Variants in SLC16A9 observed in about 807,000 individuals in gnomAD.
SLC16A9 encodes the protein solute carrier family 16 member 9.
Under a neutral mutation model 44.3 loss-of-function variants are expected in SLC16A9, and 26 were observed. The ratio of observed to expected loss-of-function variants is 0.59; its 90% CI spans 0.43 to 0.81. SLC16A9 has a LOEUF of 0.81. Ranked by LOEUF, SLC16A9 falls within the 40% of genes least tolerant of loss-of-function variation. The pLI is 0.00. For missense variants in SLC16A9, 559 were observed against 595.8 expected, an observed-to-expected ratio of 0.94 and a Z score of 0.64; for synonymous variants, 230 against 225.1, an observed-to-expected ratio of 1.02 and a Z score of -0.19.
At chr10:59,696,442 C>G (rs1217587506) in intron 1 of SLC16A9, among the ~76,000 whole-genome samples, 1 of 152,214 alleles carries the variant, frequency 6.6e-6, no homozygotes, top group Non-Finnish European at 1.5e-5. Flanking sequence ...GTGGCGTGAT[C>G]TCTGCTCGCT....
At chr10:59,682,154 C>T (rs536783033) in intron 2 of SLC16A9, among the ~76,000 whole-genome samples, 4 of 152,116 alleles carry the variant, frequency 2.6e-5, no homozygotes, top group Admixed American at 2.6e-4. Context: ...CTTGTTGTCT[C>T]CCAGAATTTT....
chr10:59,686,456 T>C (rs1840136389), intron 1 of SLC16A9, among the ~76,000 whole-genome samples: 1 of 152,214 alleles, frequency 6.6e-6, no homozygotes, highest in African/African-American at 2.4e-5. Context: ...ACATAATATG[T>C]TTTGCATTTG....
chr10:59,660,136 G>T (rs1267980034), intron 4 of SLC16A9, among the ~76,000 whole-genome samples: 2 of 152,038 alleles, frequency 1.3e-5, no homozygotes, highest in African/African-American at 4.8e-5. Flanking sequence ...CATGAGACAA[G>T]AAATAACTAA....
At chr10:59,685,581 T>A (rs1840113272) in intron 1 of SLC16A9, among the ~76,000 whole-genome samples, 1 of 152,246 alleles carries the variant, frequency 6.6e-6, no homozygotes, top group South Asian at 2.1e-4. Context: ...ATACTGACCT[T>A]CCTTATTCAT....
At chr10:59,690,956 G>A (rs558021353) in intron 1 of SLC16A9, among the ~76,000 whole-genome samples, 111 of 152,218 alleles carry the variant, frequency 7.3e-4, no homozygotes, top group African/African-American at 2.6e-3. Flanking sequence ...ATGGTGGCAC[G>A]CGCCTGTAAT....
At chr10:59,683,378 T>G (rs1029679273) in intron 2 of SLC16A9, among the ~76,000 whole-genome samples, 1 of 152,242 alleles carries the variant, frequency 6.6e-6, no homozygotes, top group African/African-American at 2.4e-5. Context: ...TACTATTCTC[T>G]CTAAAGATGA....
At chr10:59,695,952 G>A (rs1406640342) in intron 1 of SLC16A9, among the ~76,000 whole-genome samples, 2 of 152,118 alleles carry the variant, frequency 1.3e-5, no homozygotes, top group Admixed American at 1.3e-4. Context: ...CATGAAGATG[G>A]GGTAGACAGG....
At chr10:59,675,485 C>G (rs1292452723) in intron 2 of SLC16A9, among the ~76,000 whole-genome samples, 2 of 152,156 alleles carry the variant, frequency 1.3e-5, no homozygotes, top group African/African-American at 4.8e-5. Context: ...AACTGTTTTT[C>G]TGAAATGATA....
At chr10:59,704,249 C>T (rs1226213103) in intron 1 of SLC16A9, among the ~76,000 whole-genome samples, 1 of 152,174 alleles carries the variant, frequency 6.6e-6, no homozygotes, top group East Asian at 1.9e-4. Flanking sequence ...TTTAGTTTCA[C>T]CTGTGCTATC....
rs1189945210 is a variant in SLC16A9, at chr10:59,669,687, T to C, written c.340+3083A>G. 5.3e-5 allele frequency among the ~76,000 whole-genome samples: 8 copies of C among 151,868 alleles called. No individual in the cohort carries two copies. The South Asian group carries it at 1.7e-3, about 31-fold the overall frequency. On this transcript the variant is annotated intron_variant, in intron 3 of 5. Transcript: ENST00000395348. ...CCTATCTCCACTAAAAATACAAAAA[T>C]GAGTCAAGCGTGGTGGCTTGCTCCT...
chr10:59,662,644 A>AAAAAAAAAAAAG (rs1839506082), intron 4 of SLC16A9, among the ~76,000 whole-genome samples: 1 of 144,356 alleles, frequency 6.9e-6, no homozygotes, highest in African/African-American at 2.8e-5. Context: ...AAAAAAAAAA[A>AAAAAAAAAAAAG]AAAAAAAAAG....
At chr10:59,677,063 T>TCATACACACACACA (rs113210217) in intron 2 of SLC16A9, among the ~76,000 whole-genome samples, 3 of 149,122 alleles carry the variant, frequency 2.0e-5, no homozygotes, top group Non-Finnish European at 4.4e-5. Context: ...AATAGGAACT[T>TCATACACACACACA]CACACACACA....
chr10:59,706,650 C>CACACACAT (rs1426503455), intron 1 of SLC16A9, among the ~76,000 whole-genome samples: 2 of 151,964 alleles, frequency 1.3e-5, no homozygotes, highest in African/African-American at 4.8e-5. Context: ...CACACACACA[C>CACACACAT]ACAATAGGAG....
chr10:59,684,524 C>T (rs898967580), intron 1 of SLC16A9, among the ~76,000 whole-genome samples, 197 bp from the exon 2 acceptor site: 8 of 151,840 alleles, frequency 5.3e-5, no homozygotes, highest in African/African-American at 1.7e-4. Flanking sequence ...GATGTAGACA[C>T]ATGGTACAAT....
chr10:59,693,608 G>GTGT (rs1840300458), intron 1 of SLC16A9, among the ~76,000 whole-genome samples: 1 of 138,076 alleles, frequency 7.2e-6, no homozygotes, highest in Non-Finnish European at 1.5e-5. Context: ...ATAATTTTAT[G>GTGT]TATTATTTAT....
chr10:59,691,847 G>A (rs547223163), intron 1 of SLC16A9, among the ~76,000 whole-genome samples: 2 of 152,308 alleles, frequency 1.3e-5, no homozygotes, highest in South Asian at 2.1e-4. Flanking sequence ...CAGAACTGCA[G>A]GTGTGACATT....
chr10:59,678,944 AGGGG>A (rs1839926625), intron 2 of SLC16A9, among the ~76,000 whole-genome samples: 2 of 152,242 alleles, frequency 1.3e-5, no homozygotes, highest in South Asian at 4.1e-4. Flanking sequence ...AACAGTGCTT[AGGGG>A]TAATGCCCAA....
At position 59,693,224 on chromosome 10, in the gene SLC16A9, G is replaced by C. The variant is rs151086702; in HGVS notation, c.-36-8897C>G. 4.7e-3 allele frequency among the ~76,000 whole-genome samples: 716 copies of C among 152,298 alleles called. 6 individuals are homozygous for C. The highest frequency in any genetic ancestry group is 0.016 in the African/African-American group (682 of 41,560). On this transcript the variant is annotated intron_variant, in intron 1 of 5. Coordinates refer to ENST00000395348, the MANE Select transcript of SLC16A9 (RefSeq NM_194298.3). ...GAACTTTAAAGTAAGTCTCCTCTGG[G>C]TCAAAGACCTAAACTGTCAAGTAAA... is the stretch of plus-strand genomic sequence containing the variant.
chr10:59,690,004 T>C (rs1840218005), intron 1 of SLC16A9, among the ~76,000 whole-genome samples: 2 of 152,168 alleles, frequency 1.3e-5, no homozygotes, highest in Admixed American at 6.5e-5. Flanking sequence ...CTAATGTTTA[T>C]AGAAATGCAG....
Sources: allele counts gnomAD v4.1 joint callset (sites outside exome capture counted in the v4.1 genomes callset), GRCh38; gene constraint gnomAD v4.1.1; transcripts MANE v1.5; gene names NCBI Gene and HGNC (gene_info 2026-07-23, HGNC 2026-07-21).